The following URI1 variants were observed in gnomAD, a reference collection of about 807,000 sequenced individuals.
URI1 encodes URI1 prefoldin like chaperone, also known as unconventional prefoldin RPB5 interactor 1.
Under a neutral mutation model 60.2 loss-of-function variants are expected in URI1, and 39 were observed. The ratio of observed to expected loss-of-function variants is 0.65; its 90% CI spans 0.50 to 0.85. The LOEUF is 0.85. Among genes scored for constraint, URI1 ranks in the 40% least tolerant of loss-of-function variants. The pLI is 0.00. For missense variants in URI1, 691 were observed against 665.9 expected (o/e 1.04, Z -0.42); for synonymous variants, 251 against 236.8 (o/e 1.06, Z -0.55).
intron 2 of URI1, among the ~76,000 whole-genome samples, chr19:29,982,048 T>G (rs2055604986): frequency 6.6e-6 from 1 of 152,178 alleles, no homozygotes; most frequent in Admixed American, 6.5e-5. Context: ...ACTGTTTGAC[T>G]AAGCCCTGAA....
At chr19:29,927,052 G>A (rs1310655185) in intron 1 of URI1, among the ~76,000 whole-genome samples, 1 of 152,214 alleles carries the variant, frequency 6.6e-6, no homozygotes, top group East Asian at 1.9e-4. Context: ...GTGGAGGACA[G>A]CCTGGGGTGG....
At chr19:29,981,607 G>A (rs1427800234) in intron 2 of URI1, among the ~76,000 whole-genome samples, 1 of 151,896 alleles carries the variant, frequency 6.6e-6, no homozygotes, top group African/African-American at 2.4e-5. Context: ...TTTAGTTCTT[G>A]TTTTGTATAA....
intron 4 of URI1, among the ~76,000 whole-genome samples, chr19:29,998,517 A>T (rs1411704794): frequency 6.6e-6 from 1 of 152,150 alleles, no homozygotes; most frequent in Non-Finnish European, 1.5e-5. Context: ...ATGTATTTAT[A>T]ATTGTTGTAT....
intron 1 of URI1, among the ~76,000 whole-genome samples, chr19:29,964,970 AG>A (rs1302927440): frequency 1.3e-5 from 2 of 151,934 alleles, no homozygotes; most frequent in Non-Finnish European, 2.9e-5. Flanking sequence ...GCTACTCTAA[AG>A]TTTTCTTAGT....
At position 29,949,239 on chromosome 19, in the gene URI1, G is replaced by A. The variant is rs1416230025; in HGVS notation, c.117+6575G>A. ...GGGCTCCTCACTTTTCAGACGGGGCGGCCGGGCAGAGACGCTCCTCATCTC... is the reference window on the plus strand; with the variant it reads ...GGGCTCCTCACTTTTCAGACGGGGCAGCCGGGCAGAGACGCTCCTCATCTC... On this transcript the variant is annotated intron_variant, in intron 1 of 10. Transcript: ENST00000392271. Among the ~76,000 whole-genome samples, 4 of 150,492 alleles carry A rather than the reference G, an allele frequency of 2.7e-5. No homozygotes were observed. The East Asian group carries it at 5.9e-4, about 22-fold the overall frequency.
In URI1 at chr19:30,014,853, A is replaced by G. The variant is rs375385792; in HGVS notation, c.1426-34A>G. ...AAGATTTTGTGGGTGTCTTATTTGC[A>G]TTTTATTACCATAACCTGACTTTTG... On this transcript the variant is annotated intron_variant, in intron 10 of 10. Transcript: ENST00000392271. The G allele has an allele frequency of 6.4e-6, 10 of 1,567,622 alleles. No homozygotes were observed. In the African/African-American group the frequency reaches 6.9e-5, roughly 11 times the overall value.
At chr19:29,949,667 G>T (rs912270214) in intron 1 of URI1, among the ~76,000 whole-genome samples, 1 of 152,052 alleles carries the variant, frequency 6.6e-6, no homozygotes, top group South Asian at 2.1e-4. Context: ...CGGCACGTCG[G>T]GGGGCCAAGG....
chr19:29,973,936 GTAT>G (rs1374129423), intron 2 of URI1, among the ~76,000 whole-genome samples: 1 of 151,986 alleles, frequency 6.6e-6, no homozygotes, highest in African/African-American at 2.4e-5. Context: ...AGGAAATAAG[GTAT>G]TATGAAATCC....
At chr19:29,978,851 T>C (rs1599695202) in intron 2 of URI1, among the ~76,000 whole-genome samples, 2 of 152,218 alleles carry the variant, frequency 1.3e-5, no homozygotes, top group African/African-American at 4.8e-5. Flanking sequence ...GGTTTTTAAA[T>C]ATTTGGTAGG....
chr19:30,004,955 A>G (rs2055922059), intron 4 of URI1, among the ~76,000 whole-genome samples: 1 of 152,018 alleles, frequency 6.6e-6, no homozygotes, highest in African/African-American at 2.4e-5. Flanking sequence ...TCAGGAACAG[A>G]ATAACTTGTC....
At chr19:29,942,081 T>G (rs187945160), upstream of URI1, among the ~76,000 whole-genome samples, 1 of 149,686 alleles carries the variant, frequency 6.7e-6, no homozygotes, top group Non-Finnish European at 1.5e-5. Context: ...AAATGTAAGC[T>G]TCCAGAGGGA....
At chr19:30,009,832 A>G (rs545958924) in intron 8 of URI1, among the ~76,000 whole-genome samples, 71 of 152,352 alleles carry the variant, frequency 4.7e-4, no homozygotes, top group African/African-American at 1.7e-3. Flanking sequence ...CAAAGTAAAT[A>G]TAAACATCTG....
At chr19:29,929,416 G>A (rs1489554868) in intron 1 of URI1, among the ~76,000 whole-genome samples, 3 of 152,078 alleles carry the variant, frequency 2.0e-5, no homozygotes, top group Non-Finnish European at 4.4e-5. Context: ...GGCCAACATG[G>A]TGAAACCCCA....
chr19:29,997,320 C>G (rs936893101), intron 4 of URI1, among the ~76,000 whole-genome samples: 1 of 152,144 alleles, frequency 6.6e-6, no homozygotes, highest in African/African-American at 2.4e-5. Flanking sequence ...TCTAAATTAT[C>G]AAACTTGTTG....
chr19:30,000,586 AT>A (rs1331893375), intron 4 of URI1, among the ~76,000 whole-genome samples: 2 of 151,900 alleles, frequency 1.3e-5, no homozygotes, highest in East Asian at 3.9e-4. Context: ...TTTTGGATAC[AT>A]TATTCTGTTA....
In URI1 at chr19:30,005,656, A is replaced by G. The variant is rs758450090; in HGVS notation, c.465A>G (p.Ala155=). Reference sequence around the variant, plus strand: ...TTTTTTTGTTTAAAAACCAGGCTGCAGGTGATATTGTTGACATACGAGAAG... The same window carrying G: ...TTTTTTTGTTTAAAAACCAGGCTGCGGGTGATATTGTTGACATACGAGAAG... ...TEDLQKMSDA[A]GDIVDIREEI... The change falls in exon 6 of 11, where the codon GCA becomes GCG. Residue 155 remains alanine (A), a synonymous_variant. Transcript: ENST00000392271. The G allele has an allele frequency of 1.2e-6, 2 of 1,610,726 alleles. No individual in the cohort carries two copies. Among genetic ancestry groups the G allele is most frequent in the East Asian group, 4.5e-5 (2 of 44,726 alleles).
intron 1 of URI1, among the ~76,000 whole-genome samples, chr19:29,956,177 C>G (rs574123996): frequency 1.4e-5 from 2 of 143,302 alleles, no homozygotes; most frequent in Admixed American, 6.7e-5. Context: ...TAGAGATGAG[C>G]GCCATGTTGG....
intron 1 of URI1, among the ~76,000 whole-genome samples, chr19:29,965,813 A>G (rs1490380875): frequency 1.1e-4 from 16 of 152,158 alleles, no homozygotes; most frequent in Admixed American, 5.9e-4. Context: ...CCCAGTTTGT[A>G]GGTAAAGCCA....
chr19:29,924,424 G>A (rs965339596), intron 1 of URI1, among the ~76,000 whole-genome samples: 1 of 152,188 alleles, frequency 6.6e-6, no homozygotes, highest in Non-Finnish European at 1.5e-5. Flanking sequence ...GTTGCTCGGT[G>A]TACTGGCGAT....
Sources: gnomAD v4.1 joint callset for allele counts (sites outside exome capture counted in the v4.1 genomes callset) on GRCh38, gnomAD v4.1.1 for gene constraint, MANE v1.5 for transcripts, NCBI Gene and HGNC (gene_info 2026-07-23, HGNC 2026-07-21) for gene names.